GRAMD1C: variants seen among roughly 807,000 people sequenced by gnomAD.
GRAMD1C encodes the protein GRAM domain containing 1C.
In GRAMD1C, 89 loss-of-function variants were observed where a neutral mutation model predicts 97.8. That is an observed-to-expected ratio of 0.91 (90% CI 0.77 to 1.09). The LOEUF is 1.09. Among genes scored for constraint, GRAMD1C ranks in the 50% least tolerant of loss-of-function variants. The pLI, the probability that GRAMD1C is intolerant of heterozygous loss-of-function variation, is 0.00. For missense variants in GRAMD1C, 740 were observed against 766.4 expected, an observed-to-expected ratio of 0.97 and a Z score of 0.41; for synonymous variants, 256 against 267.0, an observed-to-expected ratio of 0.96 and a Z score of 0.40.
At chr3:113,870,523 T>C (rs910301993) in intron 3 of GRAMD1C, among the ~76,000 whole-genome samples, 11 of 152,092 alleles carry the variant, frequency 7.2e-5, no homozygotes, top group Non-Finnish European at 1.5e-4. Flanking sequence ...CAGTATCACA[T>C]GGGGAGACTA....
intron 10 of GRAMD1C, among the ~76,000 whole-genome samples, chr3:113,929,557 G>A (rs553823914): frequency 2.2e-4 from 34 of 152,268 alleles, no homozygotes; most frequent in African/African-American, 7.9e-4. Flanking sequence ...CAACAGACTG[G>A]TTGTATCATT....
chr3:113,895,634 A>G (rs761050862), intron 6 of GRAMD1C, among the ~76,000 whole-genome samples: 22 of 152,144 alleles, frequency 1.4e-4, no homozygotes, highest in African/African-American at 5.1e-4. Flanking sequence ...ATTGGTAACT[A>G]TTTGTCACGT....
chr3:113,924,087 TG>T (rs1196045613), intron 10 of GRAMD1C, among the ~76,000 whole-genome samples: 32 of 126,044 alleles, frequency 2.5e-4, no homozygotes, highest in African/African-American at 6.9e-4. Context: ...TAATAGTCTC[TG>T]GGGTTTTTTT....
At chr3:113,876,732 G>A (rs913593505) in intron 5 of GRAMD1C, among the ~76,000 whole-genome samples, 12 of 151,768 alleles carry the variant, frequency 7.9e-5, no homozygotes, top group African/African-American at 2.9e-4. Flanking sequence ...TCTTAGTGGG[G>A]ATATATCAAG....
rs749133112 is a variant in GRAMD1C at position 113,939,971 on chromosome 3, C to T, written c.1777C>T (p.Arg593Cys). 4.7e-5 allele frequency: 75 copies of T among 1,591,514 alleles called. No homozygotes were observed. The highest frequency in any genetic ancestry group is 2.9e-4 in the East Asian group (13 of 44,782). The stretch of plus-strand genomic sequence containing the variant: ...TGCTGCTCAGTCCTTTTACCGTCTC[C>T]GCCTCCAAGAAGAGAAATCTTTAAA... ...EHAAQSFYRL[R>C]LQEEKSLNLA... The change falls in exon 16 of 18, where the codon CGC becomes TGC. Residue 593 changes from arginine to cysteine, a missense_variant. Coordinates refer to ENST00000358160, the MANE Select transcript of GRAMD1C (RefSeq NM_017577.5).
rs1199636492 is a variant in GRAMD1C at position 113,885,244 on chromosome 3, T to C, written c.540+2412T>C. 3 of 1,082,150 alleles carry C rather than the reference T, an allele frequency of 2.8e-6. No homozygotes were observed. In the East Asian group the frequency reaches 7.7e-5, roughly 28 times the overall value. The allele number at this position is 1,082,150 out of a possible 1,614,324, so 67.0% of individuals were successfully genotyped here. A position where few individuals can be genotyped will look rare whatever the true frequency, so the allele number is the denominator to read the frequency against. On this transcript the variant is annotated intron_variant, in intron 6 of 17. Transcript: ENST00000358160. ...TCGGCGGGGGTTGCCCCCGGGGGGCTGGCGGAGCTGGGCCGTGGGGGCCTC... is the reference window on the plus strand; with the variant it reads ...TCGGCGGGGGTTGCCCCCGGGGGGCCGGCGGAGCTGGGCCGTGGGGGCCTC...
At chr3:113,847,253 G>A (rs1426513060) in intron 2 of GRAMD1C, among the ~76,000 whole-genome samples, 2 of 152,038 alleles carry the variant, frequency 1.3e-5, no homozygotes, top group Non-Finnish European at 2.9e-5. Flanking sequence ...CATCATTCAA[G>A]TTTGTTCAAA....
At chr3:113,927,561 T>G (rs1237782494) in intron 10 of GRAMD1C, among the ~76,000 whole-genome samples, 1 of 152,222 alleles carries the variant, frequency 6.6e-6, no homozygotes, top group East Asian at 1.9e-4. Flanking sequence ...GCTGTGGGAC[T>G]GGATGTGGTC....
intron 6 of GRAMD1C, chr3:113,885,895 T>C (rs1935456032): frequency 1.2e-6 from 2 of 1,612,694 alleles, no homozygotes; most frequent in African/African-American, 2.7e-5. Context: ...GACAATGCCA[T>C]CCCCATCAAA....
chr3:113,934,130 G>A (rs1357563743), intron 12 of GRAMD1C, among the ~76,000 whole-genome samples: 6 of 151,988 alleles, frequency 3.9e-5, no homozygotes, highest in South Asian at 2.1e-4. Flanking sequence ...TTTTATACAA[G>A]GAATTTAGAA....
chr3:113,910,922 G>A (rs1327997008), intron 9 of GRAMD1C, among the ~76,000 whole-genome samples: 1 of 152,040 alleles, frequency 6.6e-6, no homozygotes, highest in Non-Finnish European at 1.5e-5. Flanking sequence ...TTTACTAACT[G>A]TATTAGTAGC....
chr3:113,865,354 A>G (rs962711071), intron 2 of GRAMD1C, among the ~76,000 whole-genome samples: 16 of 152,198 alleles, frequency 1.1e-4, no homozygotes, highest in Admixed American at 6.5e-4. Context: ...AACCATAGCA[A>G]CTACCAAAAC....
intron 2 of GRAMD1C, among the ~76,000 whole-genome samples, chr3:113,860,514 A>T (rs186779066): frequency 4.9e-4 from 74 of 152,284 alleles, no homozygotes; most frequent in Non-Finnish European, 9.4e-4. Context: ...CTTTTTTTGT[A>T]AAAATGGTCA....
chr3:113,929,934 C>T (rs769394172), intron 10 of GRAMD1C, among the ~76,000 whole-genome samples: 24 of 152,078 alleles, frequency 1.6e-4, no homozygotes, highest in Non-Finnish European at 3.1e-4. Context: ...TTGCCTAAGT[C>T]GATTTGTGCT....
At chr3:113,830,561 G>A (rs1263710175) in intron 1 of GRAMD1C, among the ~76,000 whole-genome samples, 1 of 152,130 alleles carries the variant, frequency 6.6e-6, no homozygotes, top group Admixed American at 6.5e-5. Context: ...TATTGCTCCT[G>A]AGCTATAAAC....
intron 17 of GRAMD1C, among the ~76,000 whole-genome samples, chr3:113,944,794 T>C (rs1937989820): frequency 6.6e-6 from 1 of 152,222 alleles, no homozygotes; most frequent in South Asian, 2.1e-4. Flanking sequence ...GCAACAAATA[T>C]TTGTTGAATG....
At chr3:113,832,105 C>T (rs990628649) in intron 1 of GRAMD1C, among the ~76,000 whole-genome samples, 11 of 151,742 alleles carry the variant, frequency 7.2e-5, no homozygotes, top group East Asian at 3.9e-4. Flanking sequence ...GGTGTGATCT[C>T]GATTCATTGC....
intron 10 of GRAMD1C, among the ~76,000 whole-genome samples, chr3:113,924,027 A>G (rs1033305805): frequency 6.8e-6 from 1 of 147,466 alleles, no homozygotes; most frequent in Non-Finnish European, 1.5e-5. Context: ...ATTTCCAGAA[A>G]TTTATCCATT....
chr3:113,834,872 G>A (rs1316446685), upstream of GRAMD1C, among the ~76,000 whole-genome samples: 2 of 151,034 alleles, frequency 1.3e-5, no homozygotes, highest in East Asian at 1.9e-4. Context: ...CACAGGAGGT[G>A]GAGTTTGCAG....
Sources: gnomAD v4.1 joint callset for allele counts (sites outside exome capture counted in the v4.1 genomes callset) on GRCh38, gnomAD v4.1.1 for gene constraint, MANE v1.5 for transcripts, NCBI Gene and HGNC (gene_info 2026-07-23, HGNC 2026-07-21) for gene names.